FHIT: variants seen among roughly 807,000 people sequenced by gnomAD.
FHIT encodes the protein fragile histidine triad diadenosine triphosphatase, also known as bis(5'-adenosyl)-triphosphatase.
Under a neutral mutation model 17.9 loss-of-function variants are expected in FHIT, and 19 were observed. That is an observed-to-expected ratio of 1.06 (90% confidence interval 0.74 to 1.56). The LOEUF (loss-of-function observed/expected upper bound fraction) is 1.56, where lower values mean the gene tolerates loss of function less well. Ranked by LOEUF, FHIT falls within the 40% of genes most tolerant of loss-of-function variation. The probability of loss-of-function intolerance (pLI) is 0.00; values close to 1 mark genes in which losing one functional copy is unlikely to be tolerated. For synonymous variants in FHIT, 81 were observed against 69.7 expected (o/e 1.16, Z -0.81); for missense variants, 248 against 189.2 (o/e 1.31, Z -1.82).
At chr3:60,697,548 T>A (rs893071327) in intron 4 of FHIT, among the ~76,000 whole-genome samples, 10 of 152,186 alleles carry the variant, frequency 6.6e-5, no homozygotes, top group African/African-American at 9.7e-5. Context: ...AAATTCAGAT[T>A]TAACTGGGCA....
chr3:60,513,063 G>A (rs545966638), intron 5 of FHIT, among the ~76,000 whole-genome samples: 5 of 152,300 alleles, frequency 3.3e-5, no homozygotes, highest in African/African-American at 1.2e-4. Context: ...GGTTAGTTGT[G>A]TAGGAATGTT....
In FHIT at chr3:60,153,898, G is replaced by A. The variant is rs76308018; in HGVS notation, c.104-139746C>T. Among the ~76,000 whole-genome samples, 821 of 152,254 alleles carry A rather than the reference G, an allele frequency of 5.4e-3. 8 individuals are homozygous for A. The highest frequency in any genetic ancestry group is 0.019 in the African/African-American group (780 of 41,564). ...TGCTAGGTGCTGGGCATACAATGAAGAACAAGATAGACACTGCTTTTGTTC... is the reference window on the plus strand; with the variant it reads ...TGCTAGGTGCTGGGCATACAATGAAAAACAAGATAGACACTGCTTTTGTTC... On this transcript the variant is annotated intron_variant, in intron 5 of 9. Transcript: ENST00000492590.
intron 5 of FHIT, among the ~76,000 whole-genome samples, chr3:60,423,752 T>G (rs560444207): frequency 6.6e-6 from 1 of 152,254 alleles, no homozygotes; most frequent in East Asian, 1.9e-4. Flanking sequence ...AGCTGACCAT[T>G]AGCACACCTG....
intron 3 of FHIT, among the ~76,000 whole-genome samples, chr3:60,845,353 A>C (rs1702889156): frequency 6.6e-6 from 1 of 152,070 alleles, no homozygotes; most frequent in South Asian, 2.1e-4. Context: ...AAAAACCAAA[A>C]AACTAAGGCT....
chr3:60,620,347 G>C (rs1352762455), intron 4 of FHIT, among the ~76,000 whole-genome samples: 3 of 152,154 alleles, frequency 2.0e-5, no homozygotes, highest in African/African-American at 7.2e-5. Flanking sequence ...CCTGCACACA[G>C]ATGTTTATAG....
chr3:60,414,330 C>T (rs1176164902), intron 5 of FHIT, among the ~76,000 whole-genome samples: 3 of 152,096 alleles, frequency 2.0e-5, no homozygotes, highest in South Asian at 2.1e-4. Flanking sequence ...GCAGAATTAC[C>T]GGACTAGAGC....
At chr3:59,987,978 C>A (rs150348070) in intron 7 of FHIT, among the ~76,000 whole-genome samples, 24 of 152,138 alleles carry the variant, frequency 1.6e-4, no homozygotes, top group Admixed American at 2.6e-4. Context: ...CAGAAAAATG[C>A]CTCATGTAGA....
In FHIT at chr3:60,123,458, C is replaced by T. The variant is rs529394942; in HGVS notation, c.104-109306G>A. Among the ~76,000 whole-genome samples, 50 of 152,190 alleles carry T rather than the reference C, an allele frequency of 3.3e-4. 1 individual carries two copies. In the South Asian group the frequency reaches 0.01, roughly 31 times the overall value. On this transcript the variant is annotated intron_variant, in intron 5 of 9. Transcript: ENST00000492590. ...CTTTCTATAAGAGACTGAGTAACCT[C>T]AATAAATACAAACTTAGGGAGAAGT...
intron 5 of FHIT, among the ~76,000 whole-genome samples, chr3:60,316,216 G>A (rs566248944): frequency 6.6e-6 from 1 of 152,086 alleles, no homozygotes; most frequent in African/African-American, 2.4e-5. Flanking sequence ...CTTGACAGTG[G>A]GGATGTATGT....
rs562906367 is a variant in FHIT at position 61,057,352 on chromosome 3, A to C, written c.-163-15253T>G. On this transcript the variant is annotated intron_variant, in intron 2 of 9. Transcript: ENST00000492590. Reference sequence around the variant, plus strand: ...TAAGTTAACATTGGGGGTTCATAAGACTTTTTTTTCCCTTGGAATGGCATC... The same window carrying C: ...TAAGTTAACATTGGGGGTTCATAAGCCTTTTTTTTCCCTTGGAATGGCATC... 2.6e-5 allele frequency among the ~76,000 whole-genome samples: 4 copies of C among 152,258 alleles called. No homozygotes were observed. The East Asian group carries it at 7.7e-4, about 29-fold the overall frequency.
chr3:60,858,234 GAGA>G (rs1243847487), intron 3 of FHIT, among the ~76,000 whole-genome samples: 2 of 152,154 alleles, frequency 1.3e-5, no homozygotes, highest in East Asian at 3.9e-4. Flanking sequence ...GTATTCCACA[GAGA>G]AGGAGACAGG....
chr3:59,941,960 G>A (rs576127120), intron 7 of FHIT, among the ~76,000 whole-genome samples: 6 of 152,290 alleles, frequency 3.9e-5, no homozygotes, highest in Non-Finnish European at 5.9e-5. Flanking sequence ...CACTCCTCTC[G>A]TGAACTAGAC....
intron 4 of FHIT, among the ~76,000 whole-genome samples, chr3:60,782,109 T>C (rs1461326304): frequency 1.3e-5 from 2 of 152,262 alleles, no homozygotes; most frequent in African/African-American, 2.4e-5. Flanking sequence ...GAACATATGG[T>C]ATTTGTTTTT....
At chr3:60,087,184 G>A (rs890335422) in intron 5 of FHIT, among the ~76,000 whole-genome samples, 6 of 152,206 alleles carry the variant, frequency 3.9e-5, no homozygotes, top group Non-Finnish European at 8.8e-5. Flanking sequence ...CTGGGATGCA[G>A]GGAGCAACAT....
At chr3:59,945,113 T>C (rs1706734991) in intron 7 of FHIT, among the ~76,000 whole-genome samples, 1 of 152,208 alleles carries the variant, frequency 6.6e-6, no homozygotes, top group Non-Finnish European at 1.5e-5. Flanking sequence ...CCTTCCACAA[T>C]GGCTGAGCTA....
intron 2 of FHIT, among the ~76,000 whole-genome samples, chr3:61,063,231 G>A (rs924450318): frequency 1.7e-5 from 2 of 115,414 alleles, no homozygotes; most frequent in African/African-American, 3.1e-5. Context: ...ACTCCAGCCT[G>A]AGCGACAGAG....
At chr3:60,713,096 T>A (rs1553705616) in intron 4 of FHIT, among the ~76,000 whole-genome samples, 2 of 152,144 alleles carry the variant, frequency 1.3e-5, no homozygotes, top group African/African-American at 4.8e-5. Flanking sequence ...CACAGTGCAA[T>A]CAAAGTAGAA....
intron 7 of FHIT, among the ~76,000 whole-genome samples, chr3:60,008,213 A>G (rs1434421249): frequency 6.6e-6 from 1 of 152,182 alleles, no homozygotes; most frequent in Non-Finnish European, 1.5e-5. Flanking sequence ...ATGAAGGGTC[A>G]GGGAGGCTGT....
chr3:59,894,561 T>C (rs1181760715), intron 8 of FHIT, among the ~76,000 whole-genome samples: 9 of 150,396 alleles, frequency 6.0e-5, no homozygotes, highest in Admixed American at 1.3e-4. Context: ...AGTGGTGGAG[T>C]GGGACAAGTC....
Sources: allele counts gnomAD v4.1 joint callset (sites outside exome capture counted in the v4.1 genomes callset), GRCh38; gene constraint gnomAD v4.1.1; transcripts MANE v1.5; gene names NCBI Gene and HGNC (gene_info 2026-07-23, HGNC 2026-07-21).